Variants in NECTIN3 observed in about 807,000 individuals in gnomAD.
NECTIN3 encodes nectin-3.
A neutral mutation model predicts 49.4 loss-of-function variants in NECTIN3; 8 were observed. That is an observed-to-expected ratio of 0.16 (90% CI 0.10 to 0.29). The LOEUF (loss-of-function observed/expected upper bound fraction) is 0.29. NECTIN3 is among the 10% of genes least tolerant of loss of function. The pLI is 1.00. For missense variants in NECTIN3, 581 were observed against 654.6 expected (o/e 0.89, Z 1.23); for synonymous variants, 277 against 241.1 (o/e 1.15, Z -1.38).
chr3:111,152,059 A>T (rs1459472545), intron 7 of NECTIN3, among the ~76,000 whole-genome samples: 1 of 151,892 alleles, frequency 6.6e-6, no homozygotes, highest in African/African-American at 2.4e-5. Context: ...CCTAAAATAT[A>T]CTGGAGATCT....
intron 3 of NECTIN3, among the ~76,000 whole-genome samples, chr3:111,121,001 C>CTTT (rs397954033): frequency 9.3e-5 from 12 of 129,554 alleles, no homozygotes; most frequent in East Asian, 2.3e-4. Flanking sequence ...TTATTTCTTT[C>CTTT]TTTTTTTTTT....
intron 7 of NECTIN3, among the ~76,000 whole-genome samples, chr3:111,156,537 A>C (rs986091253): frequency 2.6e-5 from 4 of 151,246 alleles, no homozygotes; most frequent in African/African-American, 9.9e-5. Flanking sequence ...TAATTGAATA[A>C]ATGGAAAAAC....
At chr3:111,159,349 G>A (rs2107518551) in intron 7 of NECTIN3, among the ~76,000 whole-genome samples, 1 of 152,044 alleles carries the variant, frequency 6.6e-6, no homozygotes, top group Admixed American at 6.6e-5. Flanking sequence ...ATGGTTTTTG[G>A]CTCACAAAAA....
At chr3:111,164,917 G>A (rs764048060) in intron 7 of NECTIN3, among the ~76,000 whole-genome samples, 3 of 152,170 alleles carry the variant, frequency 2.0e-5, no homozygotes, top group Non-Finnish European at 2.9e-5. Flanking sequence ...TAGACTTAAC[G>A]CCAAAGGCAA....
In NECTIN3 at chr3:111,135,917, A is replaced by G; in HGVS notation, c.*1702A>G. The G allele has an allele frequency of 1.1e-6, 1 of 917,536 alleles. No homozygotes were observed. The highest frequency in any genetic ancestry group is 1.8e-5 in the African/African-American group (1 of 54,538). 56.8% of individuals were successfully genotyped at this position (917,536 alleles called of 1,614,324 possible). The stretch of plus-strand genomic sequence containing the variant: ...ATAAGGCTGTAGTATCAGGTTAAGG[A>G]TACAGATAAATAAAGTTCACTTATA... On this transcript the variant is annotated 3_prime_UTR_variant, in exon 6 of 6. Transcript: ENST00000485303.
In NECTIN3 at chr3:111,135,023, GC is replaced by G. The variant is rs1213889910; in HGVS notation, c.*810del. The stretch of plus-strand genomic sequence containing the variant: ...CATGGATTTTGGTACATTAGCAGTA[GC>G]CTTATTTTAATGCTTTATGTCCTAA... On this transcript the variant is annotated 3_prime_UTR_variant, in exon 6 of 6. Coordinates refer to ENST00000485303, the MANE Select transcript of NECTIN3 (RefSeq NM_015480.3). 1 of 979,646 alleles carries G rather than the reference GC, an allele frequency of 1.0e-6. No homozygotes were observed. Among genetic ancestry groups the G allele is most frequent in the African/African-American group, 1.8e-5 (1 of 56,916 alleles). 60.7% of individuals were successfully genotyped at this position (979,646 alleles called of 1,614,324 possible).
chr3:111,123,254 A>T (rs1003133942), intron 4 of NECTIN3, among the ~76,000 whole-genome samples: 15 of 152,050 alleles, frequency 9.9e-5, no homozygotes, highest in African/African-American at 3.1e-4. Flanking sequence ...CTTCCCAGGG[A>T]TACTAGAATT....
chr3:111,145,164 G>C, intron 6 of NECTIN3: 1 of 1,088,402 alleles, frequency 9.2e-7, no homozygotes, highest in Non-Finnish European at 1.3e-6. Context: ...GCCTTTGTTA[G>C]ATGACCGTGG....
In NECTIN3 at chr3:111,133,790, G is replaced by A. The variant is rs150017735; in HGVS notation, c.1225G>A (p.Val409Ile). The change falls in exon 6 of 6, where the codon GTA becomes ATA. Residue 409 changes from valine (V) to isoleucine (I), a missense_variant. Val to Ile is a conservative substitution (Grantham distance 29). Coordinates refer to ENST00000485303, the MANE Select transcript of NECTIN3 (RefSeq NM_015480.3). ...CACAATTGCCACGATCATTGCTAGT[G>A]TAGTGGGTGGGGCTCTCTTCATAGT... Reference protein sequence around the residue: ...DDTIATIIASVVGGALFIVLV... With the variant: ...DDTIATIIASIVGGALFIVLV... The A allele has an allele frequency of 5.1e-4, 818 of 1,613,998 alleles. No individual in the cohort carries two copies. The highest frequency in any genetic ancestry group is 1.3e-3 in the Middle Eastern group (8 of 6,062).
intron 1 of NECTIN3, among the ~76,000 whole-genome samples, chr3:111,109,026 G>T (rs1559783080): frequency 2.0e-5 from 3 of 152,178 alleles, no homozygotes; most frequent in Non-Finnish European, 4.4e-5. Context: ...AGGTTGGGAA[G>T]TCCAAGATCC....
At chr3:111,152,344 C>G (rs1025802399) in intron 7 of NECTIN3, among the ~76,000 whole-genome samples, 3 of 151,772 alleles carry the variant, frequency 2.0e-5, no homozygotes, top group Admixed American at 2.0e-4. Flanking sequence ...CTATTTTGCA[C>G]TTCTACCAAT....
At chr3:111,181,489 A>G (rs1380836043) in intron 7 of NECTIN3, among the ~76,000 whole-genome samples, 1 of 152,128 alleles carries the variant, frequency 6.6e-6, no homozygotes, top group Non-Finnish European at 1.5e-5. Context: ...AGGAGTTTCA[A>G]AGTATTCTCT....
chr3:111,132,660 G>T (rs1425684811), intron 5 of NECTIN3, among the ~76,000 whole-genome samples: 1 of 151,684 alleles, frequency 6.6e-6, no homozygotes, highest in Non-Finnish European at 1.5e-5. Flanking sequence ...AATATTACTG[G>T]CTATTTACTC....
At chr3:111,106,915 A>C (rs1355797902) in intron 1 of NECTIN3, among the ~76,000 whole-genome samples, 1 of 152,042 alleles carries the variant, frequency 6.6e-6, no homozygotes, top group Non-Finnish European at 1.5e-5. Flanking sequence ...TATGCATGCC[A>C]TTACTGTAGG....
intron 7 of NECTIN3, among the ~76,000 whole-genome samples, chr3:111,151,669 A>AG (rs940177981): frequency 2.6e-5 from 4 of 151,906 alleles, no homozygotes; most frequent in Admixed American, 6.6e-5. Context: ...CTGGTTATGC[A>AG]GTGTGTCAGC....
At chr3:111,094,879 A>G (rs532514411) in intron 1 of NECTIN3, among the ~76,000 whole-genome samples, 25 of 152,336 alleles carry the variant, frequency 1.6e-4, no homozygotes, top group Non-Finnish European at 2.8e-4. Flanking sequence ...AGAGTGAACT[A>G]TCATCAGTTA....
downstream of NECTIN3, among the ~76,000 whole-genome samples, chr3:111,139,085 T>C (rs999676417): frequency 2.6e-5 from 4 of 151,692 alleles, no homozygotes; most frequent in Non-Finnish European, 5.9e-5. Flanking sequence ...TTATTCAATT[T>C]AGACCCCTAC....
At chr3:111,148,585 G>T (rs762927285) in intron 7 of NECTIN3, among the ~76,000 whole-genome samples, 9 of 151,648 alleles carry the variant, frequency 5.9e-5, no homozygotes, top group Non-Finnish European at 1.3e-4. Context: ...GTCTGGATTT[G>T]TTTTTTTTGC....
chr3:111,173,571 T>C (rs2035472072), intron 7 of NECTIN3, among the ~76,000 whole-genome samples: 1 of 152,222 alleles, frequency 6.6e-6, no homozygotes, highest in Non-Finnish European at 1.5e-5. Flanking sequence ...TCAGCCCCTG[T>C]AATACATTCC....
Sources: gnomAD v4.1 joint callset for allele counts (sites outside exome capture counted in the v4.1 genomes callset) on GRCh38, gnomAD v4.1.1 for gene constraint, MANE v1.5 for transcripts, NCBI Gene and HGNC (gene_info 2026-07-23, HGNC 2026-07-21) for gene names.